COL21A1: variants seen among roughly 807,000 people sequenced by gnomAD.
COL21A1 encodes the protein collagen type XXI alpha 1 chain.
In COL21A1, 149 loss-of-function variants were observed where a neutral mutation model predicts 137.9. That is an observed-to-expected ratio of 1.08 (90% CI 0.95 to 1.24). The LOEUF is 1.24. COL21A1 is among the 50% of genes most tolerant of loss of function. The pLI, the probability that COL21A1 is intolerant of heterozygous loss-of-function variation, is 0.00. For missense variants in COL21A1, 1,167 were observed against 1,158.4 expected (o/e 1.01, Z -0.11); for synonymous variants, 456 against 391.5 (o/e 1.16, Z -1.95).
intron 1 of COL21A1, among the ~76,000 whole-genome samples, chr6:56,236,767 A>T (rs1289081674): frequency 6.6e-6 from 1 of 152,050 alleles, no homozygotes; most frequent in African/African-American, 2.4e-5. Context: ...GGCTTGCCTC[A>T]ATCTACTAAG....
At chr6:56,209,821 T>C (rs4554321) in intron 1 of COL21A1, among the ~76,000 whole-genome samples, 99,526 of 152,082 alleles carry the variant, frequency 0.65, 33,011 homozygotes, top group East Asian at 0.86. Context: ...AAAGACTCAT[T>C]CACATGTATG....
Position 56,339,617 on chromosome 6 carries a change from C to T in COL21A1, c.-39+54354G>A, listed in dbSNP as rs182031862. On this transcript the variant is annotated intron_variant, in intron 1 of 28. Coordinates refer to the COL21A1 transcript ENST00000370819. ...CCGGGTAGCACACACTTCATTAAAGCGACTCAGTTCACTTTTGAAAGCCAC... is the reference window on the plus strand; with the variant it reads ...CCGGGTAGCACACACTTCATTAAAGTGACTCAGTTCACTTTTGAAAGCCAC... Among the ~76,000 whole-genome samples, 523 of 152,272 alleles carry T rather than the reference C, an allele frequency of 3.4e-3. 1 individual carries two copies. The highest frequency in any genetic ancestry group is 5.8e-3 in the Non-Finnish European group (395 of 68,016).
intron 1 of COL21A1, among the ~76,000 whole-genome samples, chr6:56,344,489 A>G (rs1404593167): frequency 6.6e-6 from 1 of 152,250 alleles, no homozygotes; most frequent in Non-Finnish European, 1.5e-5. Context: ...TTTTCTGTAC[A>G]TTAATGATAA....
chr6:56,346,382 G>A (rs1765598362), intron 1 of COL21A1, among the ~76,000 whole-genome samples: 2 of 152,160 alleles, frequency 1.3e-5, no homozygotes, highest in Admixed American at 1.3e-4. Flanking sequence ...TTCATTGTTT[G>A]TGCGTTCCAC....
chr6:56,297,478 T>A (rs188092181), intron 1 of COL21A1, among the ~76,000 whole-genome samples: 1 of 152,100 alleles, frequency 6.6e-6, no homozygotes, highest in Non-Finnish European at 1.5e-5. Context: ...AACATACTCA[T>A]TTTTACTTTG....
At chr6:56,163,633 C>T (rs888254125) in intron 9 of COL21A1, among the ~76,000 whole-genome samples, 3 of 151,704 alleles carry the variant, frequency 2.0e-5, no homozygotes, top group East Asian at 1.9e-4. Flanking sequence ...CGCTTGAACC[C>T]GGGAGGCGGA....
At chr6:56,347,788 T>G (rs1270747018) in intron 1 of COL21A1, among the ~76,000 whole-genome samples, 1 of 152,168 alleles carries the variant, frequency 6.6e-6, no homozygotes, top group Non-Finnish European at 1.5e-5. Flanking sequence ...GATTCAAGAA[T>G]GTCAGCTCTG....
chr6:56,194,693 G>A (rs1248878581), intron 1 of COL21A1, among the ~76,000 whole-genome samples: 1 of 152,110 alleles, frequency 6.6e-6, no homozygotes, highest in African/African-American at 2.4e-5. Context: ...GAGTAATCAG[G>A]TGACCTTTAG....
intron 16 of COL21A1, among the ~76,000 whole-genome samples, chr6:56,118,526 C>T (rs1772144453): frequency 6.6e-6 from 1 of 152,018 alleles, no homozygotes; most frequent in South Asian, 2.1e-4. Context: ...ACCAATCCTA[C>T]TCAAACTATT....
At chr6:56,090,537 A>C (rs1393475979) in intron 17 of COL21A1, among the ~76,000 whole-genome samples, 1 of 152,168 alleles carries the variant, frequency 6.6e-6, no homozygotes, top group Non-Finnish European at 1.5e-5. Context: ...ATTGTAGAAG[A>C]CCAAAAAGTT....
chr6:56,098,596 T>TATATATATAA lies in COL21A1; in HGVS notation c.1812+2866_1812+2875dup, dbSNP rs1360080165. Among the ~76,000 whole-genome samples, 11 of 10,358 alleles carry TATATATATAA rather than the reference T, an allele frequency of 1.1e-3. 2 individuals are homozygous for TATATATATAA. The highest frequency in any genetic ancestry group is 6.5e-3 in the East Asian group (2 of 306). 6.8% of individuals were successfully genotyped at this position (10,358 alleles called of 152,430 possible). On this transcript the variant is annotated intron_variant, in intron 17 of 29. Coordinates refer to ENST00000244728, the MANE Select transcript of COL21A1 (RefSeq NM_030820.4). The stretch of plus-strand genomic sequence containing the variant: ...ATATAAATATATATAAATATATAAA[T>TATATATATAA]ATATATATAAATATATATAAATATA...
intron 1 of COL21A1, among the ~76,000 whole-genome samples, chr6:56,291,349 G>A (rs1466197280): frequency 6.6e-6 from 1 of 152,142 alleles, no homozygotes; most frequent in African/African-American, 2.4e-5. Context: ...TTCATTTTGA[G>A]AGCACTGGAA....
chr6:56,361,554 T>C (rs1765965029), intron 1 of COL21A1, among the ~76,000 whole-genome samples: 1 of 152,162 alleles, frequency 6.6e-6, no homozygotes, highest in Non-Finnish European at 1.5e-5. Flanking sequence ...AGGAAAACAC[T>C]TGGTTACTAC....
At chr6:56,103,911 C>T (rs901866217) in intron 16 of COL21A1, among the ~76,000 whole-genome samples, 3 of 152,186 alleles carry the variant, frequency 2.0e-5, no homozygotes, top group African/African-American at 4.8e-5. Context: ...GGTGCTGAGA[C>T]TGCTAGTCTT....
chr6:56,094,546 C>A (rs186293535), intron 17 of COL21A1, among the ~76,000 whole-genome samples: 24 of 152,234 alleles, frequency 1.6e-4, no homozygotes, highest in Admixed American at 1.6e-3. Context: ...ATTCTTACAG[C>A]CTCTATACAT....
intron 20 of COL21A1, among the ~76,000 whole-genome samples, chr6:56,071,029 G>C (rs965650040): frequency 2.0e-5 from 3 of 151,480 alleles, no homozygotes; most frequent in African/African-American, 7.3e-5. Flanking sequence ...TGTTAAAGCT[G>C]GTAGCTTCAA....
At chr6:56,390,179 G>A (rs554230675) in intron 1 of COL21A1, among the ~76,000 whole-genome samples, 1 of 135,194 alleles carries the variant, frequency 7.4e-6, no homozygotes, top group South Asian at 2.7e-4. Context: ...AAGTCAAGAG[G>A]TAGGAGACAA....
intron 14 of COL21A1, among the ~76,000 whole-genome samples, chr6:56,124,992 T>C (rs1772910177): frequency 7.2e-6 from 1 of 138,120 alleles, no homozygotes; most frequent in Non-Finnish European, 1.6e-5. Flanking sequence ...AAGGAATCTC[T>C]CACTGTAAAT....
chr6:56,060,332 A>G, intron 27 of COL21A1, 114 bp from the exon 28 acceptor site: 3 of 833,188 alleles, frequency 3.6e-6, no homozygotes, highest in Non-Finnish European at 5.6e-6. Context: ...GAATATGTGC[A>G]TATTTCTTGG....
Sources: allele counts gnomAD v4.1 joint callset (sites outside exome capture counted in the v4.1 genomes callset), GRCh38; gene constraint gnomAD v4.1.1; transcripts MANE v1.5; gene names NCBI Gene and HGNC (gene_info 2026-07-23, HGNC 2026-07-21).